Variants in NKAIN2 observed in about 807,000 individuals in gnomAD.
NKAIN2 encodes the protein sodium/potassium transporting ATPase interacting 2.
A neutral mutation model predicts 32.6 loss-of-function variants in NKAIN2; 14 were observed. The ratio of observed to expected loss-of-function variants is 0.43; its 90% CI spans 0.28 to 0.67. The LOEUF is 0.67. NKAIN2 is among the 30% of genes least tolerant of loss of function. The pLI, the probability that NKAIN2 is intolerant of heterozygous loss-of-function variation, is 0.17. For synonymous variants in NKAIN2, 80 were observed against 87.2 expected (o/e 0.92, Z 0.46); for missense variants, 198 against 258.3 (o/e 0.77, Z 1.60).
In NKAIN2 at chr6:124,568,022, C is replaced by T. The variant is rs114178089; in HGVS notation, c.274-90164C>T. 3.5e-3 allele frequency among the ~76,000 whole-genome samples: 536 copies of T among 152,152 alleles called. 3 individuals carry two copies. The highest frequency in any genetic ancestry group is 0.012 in the African/African-American group (513 of 41,492). The stretch of plus-strand genomic sequence containing the variant: ...AGCTCTGGAGCCAGGGCAAGCTCTA[C>T]TAGTGACAATATAAAAAGCAGAAGA... On this transcript the variant is annotated intron_variant, in intron 3 of 6. Transcript: ENST00000368417.
At chr6:123,851,244 ATTTTTTTT>A (rs59287833) in intron 1 of NKAIN2, among the ~76,000 whole-genome samples, 2 of 88,196 alleles carry the variant, frequency 2.3e-5, no homozygotes, top group Admixed American at 1.6e-4. Context: ...TGGTGGTTCT[ATTTTTTTT>A]TTTTTTTTTT....
At chr6:124,776,258 G>T (rs1778978523) in intron 4 of NKAIN2, among the ~76,000 whole-genome samples, 1 of 152,160 alleles carries the variant, frequency 6.6e-6, no homozygotes, top group Admixed American at 6.5e-5. Context: ...CAACAGTTTA[G>T]CACTGACTAG....
chr6:124,367,459 C>G (rs1172867489), intron 3 of NKAIN2, among the ~76,000 whole-genome samples: 1 of 152,102 alleles, frequency 6.6e-6, no homozygotes, highest in African/African-American at 2.4e-5. Context: ...ACGTCGATTC[C>G]AGCACTCTGT....
chr6:124,682,757 T>C (rs941600470), intron 4 of NKAIN2, among the ~76,000 whole-genome samples: 1 of 152,184 alleles, frequency 6.6e-6, no homozygotes, highest in Non-Finnish European at 1.5e-5. Context: ...TTAAAAAAAC[T>C]CATCAGAGAA....
intron 1 of NKAIN2, among the ~76,000 whole-genome samples, chr6:123,906,928 T>G (rs1242489194): frequency 6.6e-6 from 1 of 152,190 alleles, no homozygotes; most frequent in Non-Finnish European, 1.5e-5. Context: ...ACTATAACGT[T>G]CATAACAAAT....
chr6:124,405,676 G>A (rs527430172), intron 3 of NKAIN2, among the ~76,000 whole-genome samples: 4 of 151,718 alleles, frequency 2.6e-5, no homozygotes, highest in South Asian at 4.2e-4. Flanking sequence ...CACCGCACCC[G>A]GCAAAACCTT....
At chr6:124,429,231 A>C (rs2114558281) in intron 3 of NKAIN2, among the ~76,000 whole-genome samples, 1 of 149,964 alleles carries the variant, frequency 6.7e-6, no homozygotes, top group Non-Finnish European at 1.5e-5. Flanking sequence ...TATTTTTAGT[A>C]GAGACGAGGT....
chr6:124,440,687 C>T (rs763189367), intron 3 of NKAIN2, among the ~76,000 whole-genome samples: 7 of 152,062 alleles, frequency 4.6e-5, no homozygotes, highest in Admixed American at 6.6e-5. Context: ...TTTAGCCCTT[C>T]CAGGATGCAG....
intron 3 of NKAIN2, among the ~76,000 whole-genome samples, chr6:124,430,905 C>A (rs1775192107): frequency 6.6e-6 from 1 of 152,132 alleles, no homozygotes; most frequent in Admixed American, 6.6e-5. Context: ...CACTTCCTTA[C>A]AAGCTTTCAG....
rs577548686 is a variant in NKAIN2, at chr6:124,329,899, G to A, written c.193-25368G>A. Among the ~76,000 whole-genome samples the A allele has an allele frequency of 2.0e-5, 3 of 152,160 alleles. 1 individual carries two copies. In the South Asian group the frequency reaches 6.2e-4, roughly 32 times the overall value. On this transcript the variant is annotated intron_variant, in intron 2 of 6. Coordinates refer to ENST00000368417, the MANE Select transcript of NKAIN2 (RefSeq NM_001040214.3). ...AACATTCTATATGGCCTCAGTGACT[G>A]GTTCTTCTAAAGCTTATAAGCAGAA...
chr6:124,726,530 G>C (rs1269066101), intron 4 of NKAIN2, among the ~76,000 whole-genome samples: 1 of 150,414 alleles, frequency 6.6e-6, no homozygotes, highest in Non-Finnish European at 1.5e-5. Context: ...CAAACAGAAA[G>C]GACATCCACA....
intron 1 of NKAIN2, among the ~76,000 whole-genome samples, chr6:123,977,018 T>A (rs1778675058): frequency 6.6e-6 from 1 of 152,198 alleles, no homozygotes; most frequent in Admixed American, 6.5e-5. Context: ...ATATTAATAG[T>A]CCGCTTATTG....
intron 3 of NKAIN2, among the ~76,000 whole-genome samples, chr6:124,488,444 C>T (rs765175962): frequency 6.6e-6 from 1 of 151,816 alleles, no homozygotes; most frequent in East Asian, 1.9e-4. Context: ...CATTATCATC[C>T]ATGTCATTTG....
intron 3 of NKAIN2, among the ~76,000 whole-genome samples, chr6:124,523,717 A>G (rs891093971): frequency 1.4e-4 from 22 of 152,146 alleles, no homozygotes; most frequent in Non-Finnish European, 2.4e-4. Flanking sequence ...CTGGCCAACT[A>G]ACAAAGACCC....
chr6:124,776,821 T>C lies in NKAIN2; in HGVS notation c.475-14518T>C, dbSNP rs1367979811. Among the ~76,000 whole-genome samples, 5 of 152,188 alleles carry C rather than the reference T, an allele frequency of 3.3e-5. No individual in the cohort carries two copies. In the East Asian group the frequency reaches 9.6e-4, roughly 29 times the overall value. On this transcript the variant is annotated intron_variant, in intron 4 of 6. Coordinates refer to ENST00000368417, the MANE Select transcript of NKAIN2 (RefSeq NM_001040214.3). The stretch of plus-strand genomic sequence containing the variant: ...AATTATAGGCACTCTAGATTGACAA[T>C]TGTTCATATATTTTTGTGCCAAGTA...
chr6:123,847,597 A>C (rs941047561), intron 1 of NKAIN2, among the ~76,000 whole-genome samples: 2 of 152,186 alleles, frequency 1.3e-5, no homozygotes. Context: ...CTTTTCTTTA[A>C]GACGATTAAA....
chr6:124,079,505 G>A (rs1783851827), intron 1 of NKAIN2, among the ~76,000 whole-genome samples: 1 of 152,118 alleles, frequency 6.6e-6, no homozygotes, highest in South Asian at 2.1e-4. Context: ...CTGGGTATCT[G>A]TGTGTTTGTG....
chr6:124,791,508 A>C (rs991855231), intron 5 of NKAIN2, 109 bp downstream of exon 5: 1 of 625,236 alleles, frequency 1.6e-6, no homozygotes, highest in African/African-American at 1.8e-5. Flanking sequence ...ACAGCATTAG[A>C]ATGGAAAATA....
intron 1 of NKAIN2, among the ~76,000 whole-genome samples, chr6:123,817,830 A>T (rs1582584385): frequency 6.6e-6 from 1 of 152,190 alleles, no homozygotes; most frequent in Non-Finnish European, 1.5e-5. Flanking sequence ...GTTGAGACAT[A>T]CATTAGGAAA....
Sources: gnomAD v4.1 joint callset for allele counts (sites outside exome capture counted in the v4.1 genomes callset) on GRCh38, gnomAD v4.1.1 for gene constraint, MANE v1.5 for transcripts, NCBI Gene and HGNC (gene_info 2026-07-23, HGNC 2026-07-21) for gene names.